Variants in LRRC4C observed in about 807,000 individuals in gnomAD.
LRRC4C encodes the protein leucine-rich repeat-containing protein 4C.
A neutral mutation model predicts 33.6 loss-of-function variants in LRRC4C; 5 were observed. The observed-to-expected ratio is 0.15, with a 90% CI of 0.08 to 0.31. The LOEUF (loss-of-function observed/expected upper bound fraction) is 0.31, where lower values mean the gene tolerates loss of function less well. Ranked by LOEUF, LRRC4C falls within the 10% of genes least tolerant of loss-of-function variation. The pLI is 1.00. For synonymous variants in LRRC4C, 329 were observed against 302.0 expected (o/e 1.09, Z -0.93); for missense variants, 560 against 796.7 (o/e 0.70, Z 3.58).
chr11:40,412,653 T>C (rs1231764092), intron 3 of LRRC4C, among the ~76,000 whole-genome samples: 1 of 152,086 alleles, frequency 6.6e-6, no homozygotes, highest in African/African-American at 2.4e-5. Context: ...ACCTTAAATA[T>C]TTCTGCCAAA....
At chr11:41,072,262 T>A (rs918208116) in intron 1 of LRRC4C, among the ~76,000 whole-genome samples, 1 of 152,036 alleles carries the variant, frequency 6.6e-6, no homozygotes, top group South Asian at 2.1e-4. Flanking sequence ...AAAGAAAAAA[T>A]TAATCAATGT....
intron 1 of LRRC4C, among the ~76,000 whole-genome samples, chr11:41,262,586 C>A (rs746105277): frequency 1.3e-5 from 2 of 152,004 alleles, no homozygotes. Context: ...GCCAGGATAA[C>A]AAAATGGTTG....
At chr11:41,367,892 C>A (rs897324117) in intron 1 of LRRC4C, among the ~76,000 whole-genome samples, 3 of 152,040 alleles carry the variant, frequency 2.0e-5, no homozygotes, top group Admixed American at 2.0e-4. Context: ...AGGTTATCAG[C>A]CTAGAAAAAA....
At chr11:40,156,477 C>G (rs895274521) in intron 5 of LRRC4C, among the ~76,000 whole-genome samples, 3 of 152,094 alleles carry the variant, frequency 2.0e-5, no homozygotes, top group African/African-American at 7.2e-5. Context: ...GCTCCTAGAA[C>G]TGATAAAAGA....
At chr11:40,732,579 A>G (rs1344523059) in intron 2 of LRRC4C, among the ~76,000 whole-genome samples, 1 of 152,222 alleles carries the variant, frequency 6.6e-6, no homozygotes, top group Non-Finnish European at 1.5e-5. Context: ...GAAAGAGATC[A>G]CACATAAGGA....
intron 2 of LRRC4C, among the ~76,000 whole-genome samples, chr11:40,738,063 A>G (rs930664622): frequency 9.9e-5 from 15 of 152,212 alleles, no homozygotes; most frequent in African/African-American, 3.4e-4. Flanking sequence ...CAGAAATAAC[A>G]CCACACATCT....
chr11:41,435,980 C>T (rs1009884066), intron 1 of LRRC4C, among the ~76,000 whole-genome samples: 103 of 152,192 alleles, frequency 6.8e-4, no homozygotes, highest in African/African-American at 2.1e-3. Context: ...CTGAGGTGGG[C>T]AGATCATGAG....
intron 3 of LRRC4C, among the ~76,000 whole-genome samples, chr11:40,478,317 A>T (rs1371675): frequency 0.5 from 75,598 of 151,924 alleles, 19,066 homozygotes; most frequent in East Asian, 0.73. Flanking sequence ...GCTTTTAAAC[A>T]CCTCTTTTTA....
chr11:40,640,822 T>A (rs1378746924), intron 3 of LRRC4C, among the ~76,000 whole-genome samples: 1 of 151,810 alleles, frequency 6.6e-6, no homozygotes, highest in African/African-American at 2.4e-5. Context: ...AGAGACTATC[T>A]TGGATAACAC....
intron 3 of LRRC4C, among the ~76,000 whole-genome samples, chr11:40,360,405 C>A (rs1349237822): frequency 6.6e-6 from 1 of 152,140 alleles, no homozygotes. Flanking sequence ...GGGAAACTAC[C>A]AAGTCTGGAA....
At chr11:40,841,253 A>G (rs766273663) in intron 2 of LRRC4C, among the ~76,000 whole-genome samples, 1 of 152,160 alleles carries the variant, frequency 6.6e-6, no homozygotes, top group Non-Finnish European at 1.5e-5. Context: ...CTCAAGATTC[A>G]TGGTTCAGTT....
At position 40,632,293 on chromosome 11, in the gene LRRC4C, A is replaced by T. The variant is rs370813540; in HGVS notation, c.-270+15849T>A. On this transcript the variant is annotated intron_variant, in intron 3 of 6. Transcript: ENST00000528697. ...TTTGGGACTGGAGACATATCCTTGAATTGACCTAAAGAACACCTCAAAAAG... is the reference window on the plus strand; with the variant it reads ...TTTGGGACTGGAGACATATCCTTGATTTGACCTAAAGAACACCTCAAAAAG... 4.6e-5 allele frequency among the ~76,000 whole-genome samples: 7 copies of T among 152,338 alleles called. No homozygotes were observed. In the East Asian group the frequency reaches 1.4e-3, roughly 29 times the overall value.
chr11:40,178,710 C>A (rs1000012628), intron 5 of LRRC4C, among the ~76,000 whole-genome samples: 2 of 152,230 alleles, frequency 1.3e-5, no homozygotes, highest in Admixed American at 6.5e-5. Flanking sequence ...TGGCAGGAGA[C>A]TAGAGGGAGG....
Position 40,520,697 on chromosome 11 carries a change from T to A in LRRC4C, c.-270+127445A>T, listed in dbSNP as rs552633932. Among the ~76,000 whole-genome samples, 14 of 152,270 alleles carry A rather than the reference T, an allele frequency of 9.2e-5. No individual in the cohort carries two copies. In the South Asian group the frequency reaches 2.9e-3, roughly 32 times the overall value. ...TGAAATGTGACACAAAGAAGTGAAG[T>A]GAACATACACTGTTGGAAAGTGGCA... On this transcript the variant is annotated intron_variant, in intron 3 of 6. Transcript: ENST00000528697.
intron 3 of LRRC4C, among the ~76,000 whole-genome samples, chr11:40,603,730 G>T (rs1363954949): frequency 1.3e-5 from 2 of 152,126 alleles, no homozygotes; most frequent in African/African-American, 4.8e-5. Context: ...CTTACTAAGA[G>T]CCAATTTATC....
intron 2 of LRRC4C, among the ~76,000 whole-genome samples, chr11:40,696,216 T>C (rs1407369395): frequency 1.4e-5 from 2 of 146,954 alleles, no homozygotes; most frequent in African/African-American, 2.5e-5. Flanking sequence ...TATATGTATA[T>C]GAATTAGCCA....
chr11:41,074,321 G>A (rs1429163993), intron 1 of LRRC4C, among the ~76,000 whole-genome samples: 2 of 152,104 alleles, frequency 1.3e-5, no homozygotes, highest in East Asian at 3.8e-4. Context: ...AATATAAAGA[G>A]AGATCTTTCC....
chr11:41,157,315 G>A (rs540758143), intron 1 of LRRC4C, among the ~76,000 whole-genome samples: 122 of 152,224 alleles, frequency 8.0e-4, no homozygotes, highest in Non-Finnish European at 1.4e-3. Flanking sequence ...TGAACTAGAG[G>A]AAGGAGAGGG....
intron 1 of LRRC4C, among the ~76,000 whole-genome samples, chr11:41,393,142 C>A (rs548268658): frequency 6.6e-6 from 1 of 151,964 alleles, no homozygotes; most frequent in South Asian, 2.1e-4. Flanking sequence ...TAAAGAGGAA[C>A]TGTAGAAACC....
Sources: gnomAD v4.1 joint callset for allele counts (sites outside exome capture counted in the v4.1 genomes callset) on GRCh38, gnomAD v4.1.1 for gene constraint, MANE v1.5 for transcripts, NCBI Gene and HGNC (gene_info 2026-07-23, HGNC 2026-07-21) for gene names.